Variants in TGM3 observed in about 807,000 individuals in gnomAD.
The protein encoded by TGM3 is protein-glutamine gamma-glutamyltransferase E.
TGM3 carries 52 observed loss-of-function variants against 73.8 expected under a neutral mutation model. The observed-to-expected ratio is 0.70, with a 90% confidence interval of 0.56 to 0.89. The LOEUF (loss-of-function observed/expected upper bound fraction) is 0.89. Ranked by LOEUF, TGM3 falls within the 40% of genes least tolerant of loss-of-function variation. TGM3 has a pLI of 0.00. For synonymous variants in TGM3, 372 were observed against 354.9 expected (o/e 1.05, Z -0.54); for missense variants, 928 against 909.9 (o/e 1.02, Z -0.26).
rs553060890 is a variant in TGM3, at chr20:2,332,506, G to A, written c.1642+196G>A. On this transcript the variant is annotated intron_variant, in intron 10 of 12. Coordinates refer to ENST00000381458, the MANE Select transcript of TGM3 (RefSeq NM_003245.4). This position sits in a 1 kb window ranked among gnomAD's most constrained non-coding sequence, Gnocchi z 4.4. ...AGAGTGATGCCAACCAAATGTCAGG[G>A]TGGTGCCAACCAAAATCCTTTTACG... 7.2e-5 allele frequency among the ~76,000 whole-genome samples: 11 copies of A among 152,268 alleles called. No homozygotes were observed. The South Asian group carries it at 2.1e-3, about 29-fold the overall frequency.
At chr20:2,310,441 C>G (rs1343974046) in intron 3 of TGM3, 24 bp downstream of exon 3, 1 of 1,612,864 alleles carries the variant, frequency 6.2e-7, no homozygotes, top group Non-Finnish European at 8.5e-7. Context: ...CACCCACACT[C>G]TCAGCCCTGG....
At chr20:2,314,696 G>T (rs1259618785) in intron 5 of TGM3, among the ~76,000 whole-genome samples, 1 of 152,070 alleles carries the variant, frequency 6.6e-6, no homozygotes, top group Non-Finnish European at 1.5e-5. Context: ...ACTTCAGCCT[G>T]GGTGACACAG....
intron 4 of TGM3, 134 bp from the exon 5 acceptor site, chr20:2,312,764 G>C (rs2084213750): frequency 1.5e-6 from 2 of 1,290,354 alleles, no homozygotes; most frequent in Non-Finnish European, 2.2e-6. Context: ...GCTGTCCTCA[G>C]TAGCTCTCAG....
intron 7 of TGM3, 49 bp downstream of exon 7, chr20:2,317,534 C>A (rs1405772288): frequency 4.4e-6 from 7 of 1,607,342 alleles, no homozygotes; most frequent in Non-Finnish European, 6.0e-6. Context: ...ATTTGAGTGG[C>A]TTCTCGCTCT....
chr20:2,310,856 G>C (rs1476729860), intron 3 of TGM3, among the ~76,000 whole-genome samples, 155 bp from the exon 4 acceptor site: 1 of 152,134 alleles, frequency 6.6e-6, no homozygotes, highest in Non-Finnish European at 1.5e-5. Context: ...CCCACAATTG[G>C]AGTTGGAAGA....
chr20:2,324,433 T>C (rs1368980401), intron 7 of TGM3, among the ~76,000 whole-genome samples: 1 of 152,184 alleles, frequency 6.6e-6, no homozygotes, highest in East Asian at 1.9e-4. Context: ...TGTTGAGTGA[T>C]TTTGGCTCAT....
intron 11 of TGM3, among the ~76,000 whole-genome samples, chr20:2,338,013 C>T (rs929728074): frequency 6.6e-6 from 1 of 152,208 alleles, no homozygotes; most frequent in Non-Finnish European, 1.5e-5. Flanking sequence ...TAAGCCTTCA[C>T]CTAATCGAGA....
At chr20:2,296,963 C>G (rs1221556145) in intron 1 of TGM3, among the ~76,000 whole-genome samples, 1 of 152,236 alleles carries the variant, frequency 6.6e-6, no homozygotes, top group Non-Finnish European at 1.5e-5. Context: ...CCAAATGCAA[C>G]AGGCAAATGC....
At chr20:2,339,344 A>T (rs2084367844) in intron 11 of TGM3, among the ~76,000 whole-genome samples, 1 of 152,116 alleles carries the variant, frequency 6.6e-6, no homozygotes, top group Admixed American at 6.5e-5. Context: ...GTAATATTAA[A>T]CCCAGCAAGT....
At chr20:2,312,566 G>A (rs1043046883) in intron 4 of TGM3, among the ~76,000 whole-genome samples, 5 of 152,250 alleles carry the variant, frequency 3.3e-5, no homozygotes, top group African/African-American at 9.6e-5. Flanking sequence ...CACCTCCCAT[G>A]CATTCACTTT....
At chr20:2,323,574 G>T (rs188052039) in intron 7 of TGM3, among the ~76,000 whole-genome samples, 47 of 152,246 alleles carry the variant, frequency 3.1e-4, no homozygotes, top group African/African-American at 1.0e-3. Context: ...TCCCTGATGT[G>T]GACTTACTGG....
chr20:2,339,715 A>G, intron 11 of TGM3, 139 bp from the exon 12 acceptor site: 1 of 1,136,346 alleles, frequency 8.8e-7, no homozygotes, highest in Non-Finnish European at 1.3e-6. Context: ...CCTGGCACCT[A>G]GGAGGGCTAA....
At chr20:2,320,066 A>G (rs1459355943) in intron 7 of TGM3, among the ~76,000 whole-genome samples, 2 of 152,334 alleles carry the variant, frequency 1.3e-5, no homozygotes, top group East Asian at 3.9e-4. Context: ...AATCCCATGC[A>G]GGGGAGAGCT....
chr20:2,329,803 G>A (rs1191161462), intron 9 of TGM3, among the ~76,000 whole-genome samples: 1 of 152,112 alleles, frequency 6.6e-6, no homozygotes. Flanking sequence ...AATGAGCTAA[G>A]GTATACAAAG....
chr20:2,315,814 A>T (rs1045509232), intron 5 of TGM3, among the ~76,000 whole-genome samples: 1 of 152,222 alleles, frequency 6.6e-6, no homozygotes, highest in African/African-American at 2.4e-5. Flanking sequence ...ACCTTTGTGC[A>T]ATCATCAAGT....
intron 5 of TGM3, among the ~76,000 whole-genome samples, chr20:2,315,700 C>G (rs1239008382): frequency 6.6e-6 from 1 of 152,188 alleles, no homozygotes; most frequent in East Asian, 1.9e-4. Context: ...AAACCCTGAC[C>G]CTTGACTACA....
At chr20:2,336,103 G>T (rs2122255966) in intron 11 of TGM3, among the ~76,000 whole-genome samples, 1 of 152,322 alleles carries the variant, frequency 6.6e-6, no homozygotes, top group South Asian at 2.1e-4. Flanking sequence ...AGCCCAGGAA[G>T]GTGGGGCTTG....
Position 2,329,453 on chromosome 20 carries a change from C to T in TGM3, c.1333+1088C>T, listed in dbSNP as rs528786791. Among the ~76,000 whole-genome samples the T allele has an allele frequency of 1.4e-4, 21 of 152,294 alleles. No homozygotes were observed. The South Asian group carries it at 4.4e-3, about 32-fold the overall frequency. ...TCAATTTGGCCCCAGTCTTCCTCTG[C>T]AGGTCATTCCCAGGACTGAGCTCAG... On this transcript the variant is annotated intron_variant, in intron 9 of 12. Coordinates refer to ENST00000381458, the MANE Select transcript of TGM3 (RefSeq NM_003245.4).
At chr20:2,311,274 C>A in intron 4 of TGM3, 145 bp downstream of exon 4, 1 of 676,048 alleles carries the variant, frequency 1.5e-6, no homozygotes, top group Non-Finnish European at 2.6e-6. Context: ...CTTTCATTGG[C>A]CACCTATTAT....
Sources: allele counts gnomAD v4.1 joint callset (sites outside exome capture counted in the v4.1 genomes callset), GRCh38; gene constraint gnomAD v4.1.1; non-coding constraint Gnocchi (gnomAD v3.1); transcripts MANE v1.5; gene names NCBI Gene and HGNC (gene_info 2026-07-23, HGNC 2026-07-21).